The following DNAH9 variants were observed in gnomAD, a reference collection of about 807,000 sequenced individuals.
The protein encoded by DNAH9 is dynein axonemal heavy chain 9.
Under a neutral mutation model 471.6 loss-of-function variants are expected in DNAH9, and 345 were observed. The observed-to-expected ratio is 0.73, with a 90% CI of 0.67 to 0.80. The LOEUF is 0.80. Among genes scored for constraint, DNAH9 ranks in the 30% least tolerant of loss-of-function variants. The pLI is 0.00. For missense variants in DNAH9, 5,407 were observed against 5,609.2 expected (o/e 0.96, Z 1.15); for synonymous variants, 2,093 against 2,123.6 (o/e 0.99, Z 0.40).
intron 26 of DNAH9, among the ~76,000 whole-genome samples, chr17:11,706,162 T>C (rs558959145): frequency 3.1e-4 from 47 of 152,288 alleles, no homozygotes; most frequent in African/African-American, 6.3e-4. Flanking sequence ...ATATAAGTGC[T>C]CAGTAATCGA....
At chr17:11,619,429 G>A (rs918107905) in intron 5 of DNAH9, 119 bp from the exon 6 acceptor site, 4 of 701,050 alleles carry the variant, frequency 5.7e-6, no homozygotes, top group East Asian at 2.5e-5. Context: ...GAGGTCAGAT[G>A]TTTCCTCTAT....
chr17:11,807,775 C>T lies in DNAH9; in HGVS notation c.8464C>T (p.Leu2822=). The T allele has an allele frequency of 6.2e-7, 1 of 1,613,874 alleles. No individual in the cohort carries two copies. The highest frequency in any genetic ancestry group is 1.1e-5 in the South Asian group (1 of 91,042). Residue 2822 remains leucine (L), a synonymous_variant, in exon 44 of 69, where the codon CTG becomes TTG. Transcript: ENST00000262442. ...RILESPRGNA[L]LVGVGGSGKQ... ...CTTGGAGTCCCCGCGGGGAAATGCT[C>T]TGCTGGTTGGTGTAGGTGGGAGCGG...
intron 62 of DNAH9, among the ~76,000 whole-genome samples, chr17:11,928,527 C>T (rs1974402724): frequency 6.6e-6 from 1 of 152,232 alleles, no homozygotes; most frequent in African/African-American, 2.4e-5. Flanking sequence ...GGTGACTCCC[C>T]TTACTACAGT....
At chr17:11,721,021 C>G (rs2075047087) in intron 27 of DNAH9, among the ~76,000 whole-genome samples, 1 of 105,666 alleles carries the variant, frequency 9.5e-6, no homozygotes, top group Non-Finnish European at 2.3e-5. Flanking sequence ...TAAGTAGAGT[C>G]TCCCAAAGGG....
rs773842478 is a variant in DNAH9 at position 11,805,523 on chromosome 17, C to CTTTTTTTTT, written c.8421-2175_8421-2167dup. Among the ~76,000 whole-genome samples, 89 of 52,086 alleles carry CTTTTTTTTT rather than the reference C, an allele frequency of 1.7e-3. 11 individuals are homozygous for CTTTTTTTTT. Among genetic ancestry groups the CTTTTTTTTT allele is most frequent in the East Asian group, 3.1e-3 (3 of 972 alleles). The allele number at this position is 52,086 out of a possible 152,430, so 34.2% of individuals were successfully genotyped here. ...TATTTGGCCAAACTTTACCCGAGTT[C>CTTTTTTTTT]TTTTTTTTTTTTTTTTTTTTTTTTT... On this transcript the variant is annotated intron_variant, in intron 43 of 68. Coordinates refer to ENST00000262442, the MANE Select transcript of DNAH9 (RefSeq NM_001372.4).
chr17:11,907,473 GTC>G (rs752731940), intron 61 of DNAH9, among the ~76,000 whole-genome samples: 1 of 149,236 alleles, frequency 6.7e-6, no homozygotes, highest in African/African-American at 2.5e-5. Flanking sequence ...AAAAAAAAGA[GTC>G]TGTCCTATCA....
intron 56 of DNAH9, among the ~76,000 whole-genome samples, chr17:11,885,357 G>A (rs1271950821): frequency 6.6e-6 from 1 of 152,216 alleles, no homozygotes. Context: ...TGGCAATAAG[G>A]CATGAAAGGT....
In DNAH9 at chr17:11,669,529, C is replaced by T. The variant is rs1243282250; in HGVS notation, c.3088C>T (p.Leu1030=). Residue 1030 remains leucine (L), a synonymous_variant, in exon 17 of 69, where the codon CTG becomes TTG. Coordinates refer to ENST00000262442, the MANE Select transcript of DNAH9 (RefSeq NM_001372.4). ...DRKEVLGQFL[L]YGHILTPEEI... ...GAAGGAGGTTCTGGGTCAGTTTCTG[C>T]TGTACGGGCACATCCTCACTCCGGA... 6.2e-7 allele frequency: 1 copy of T among 1,614,022 alleles called. No homozygotes were observed. The highest frequency in any genetic ancestry group is 8.5e-7 in the Non-Finnish European group (1 of 1,180,032).
chr17:11,834,927 A>G lies in DNAH9; in HGVS notation c.9507+29A>G, dbSNP rs200459619. On this transcript the variant is annotated intron_variant, in intron 49 of 68. Transcript: ENST00000262442. ...GGAGGACTGTCTGCCATACCTGCTC[A>G]TCCCTCAGGGGCTGGTAGACGCAGA... The G allele has an allele frequency of 1.2e-5, 19 of 1,605,986 alleles. No individual in the cohort carries two copies. In the African/African-American group the frequency reaches 1.7e-4, roughly 15 times the overall value.
intron 10 of DNAH9, 88 bp from the exon 11 acceptor site, chr17:11,644,543 C>G (rs2073342206): frequency 1.1e-6 from 1 of 940,976 alleles, no homozygotes; most frequent in South Asian, 1.5e-5. Context: ...GCTATTCACG[C>G]TCTTCTTTGG....
intron 50 of DNAH9, among the ~76,000 whole-genome samples, chr17:11,863,015 C>G (rs1399837316): frequency 6.6e-6 from 1 of 152,038 alleles, no homozygotes; most frequent in Admixed American, 6.6e-5. Context: ...CCTTTATTTC[C>G]TTCTCCTGCC....
intron 32 of DNAH9, among the ~76,000 whole-genome samples, chr17:11,751,694 G>A (rs1967155966): frequency 6.6e-6 from 1 of 151,910 alleles, no homozygotes; most frequent in Non-Finnish European, 1.5e-5. Context: ...GATGCCTATT[G>A]TCAACATTAT....
intron 45 of DNAH9, among the ~76,000 whole-genome samples, chr17:11,813,919 A>G (rs1970006029): frequency 6.6e-6 from 1 of 152,238 alleles, no homozygotes; most frequent in African/African-American, 2.4e-5. Context: ...CAAAAGATAC[A>G]TAACTGTATA....
chr17:11,762,039 C>G (rs1967696385), intron 35 of DNAH9, among the ~76,000 whole-genome samples: 1 of 128,784 alleles, frequency 7.8e-6, no homozygotes, highest in Non-Finnish European at 1.8e-5. Context: ...TTATATCCGT[C>G]TGTTACAAAT....
intron 17 of DNAH9, among the ~76,000 whole-genome samples, chr17:11,676,499 TCTCGAACTC>T (rs1223908460): frequency 2.0e-5 from 3 of 151,974 alleles, no homozygotes; most frequent in African/African-American, 7.2e-5. Context: ...GTCATGCTGG[TCTCGAACTC>T]CTGACCCCAG....
intron 27 of DNAH9, among the ~76,000 whole-genome samples, chr17:11,727,074 A>AAAAAAAC (rs1567753041): frequency 7.9e-5 from 11 of 139,944 alleles, no homozygotes; most frequent in African/African-American, 2.9e-4. Flanking sequence ...AAAAAAAAAA[A>AAAAAAAC]AAACCCGCTG....
chr17:11,775,667 C>T (rs146047543), intron 38 of DNAH9, among the ~76,000 whole-genome samples: 4,864 of 139,006 alleles, frequency 0.035, 101 homozygotes, highest in South Asian at 0.068. Context: ...TGCAGTGGCG[C>T]GATCTCGGCT....
chr17:11,898,217 C>T (rs1291356680), intron 59 of DNAH9, among the ~76,000 whole-genome samples: 3 of 152,008 alleles, frequency 2.0e-5, no homozygotes, highest in Non-Finnish European at 4.4e-5. Flanking sequence ...CTCTGCCTCC[C>T]GGGTTCAAGC....
chr17:11,799,743 C>T (rs1969384355), intron 43 of DNAH9, among the ~76,000 whole-genome samples: 1 of 152,134 alleles, frequency 6.6e-6, no homozygotes, highest in African/African-American at 2.4e-5. Flanking sequence ...ACCACCAGGC[C>T]TGGCTAATTT....
Sources: allele counts gnomAD v4.1 joint callset (sites outside exome capture counted in the v4.1 genomes callset), GRCh38; gene constraint gnomAD v4.1.1; transcripts MANE v1.5; gene names NCBI Gene and HGNC (gene_info 2026-07-23, HGNC 2026-07-21).